The following GHR variants were observed in gnomAD, a reference collection of about 807,000 sequenced individuals.
The protein encoded by GHR is growth hormone receptor, also known as GH receptor.
Under a neutral mutation model 67.1 loss-of-function variants are expected in GHR, and 35 were observed. That is an observed-to-expected ratio of 0.52 (90% CI 0.40 to 0.69). The LOEUF is 0.69. GHR is among the 30% of genes least tolerant of loss of function. The probability of loss-of-function intolerance (pLI) is 0.00; values close to 1 mark genes in which losing one functional copy is unlikely to be tolerated. For missense variants in GHR, 792 were observed against 764.6 expected (o/e 1.04, Z -0.42); for synonymous variants, 272 against 269.1 (o/e 1.01, Z -0.10).
intron 3 of GHR, among the ~76,000 whole-genome samples, chr5:42,656,847 T>C (rs1755281445): frequency 6.6e-6 from 1 of 152,212 alleles, no homozygotes; most frequent in Admixed American, 6.5e-5. Flanking sequence ...TATATCTAGC[T>C]ACTTATTTGC....
intron 3 of GHR, among the ~76,000 whole-genome samples, chr5:42,664,682 G>A (rs1755856005): frequency 1.3e-5 from 2 of 152,256 alleles, no homozygotes; most frequent in Admixed American, 6.5e-5. Flanking sequence ...ACATAGGCAT[G>A]GGCAAGGACT....
chr5:42,580,005 T>C (rs1751072121), intron 2 of GHR, among the ~76,000 whole-genome samples: 1 of 152,072 alleles, frequency 6.6e-6, no homozygotes, highest in Admixed American at 6.5e-5. Context: ...CCCCCAATAT[T>C]AGTGGTAATC....
intron 1 of GHR, among the ~76,000 whole-genome samples, chr5:42,517,324 C>G (rs760282561): frequency 6.6e-6 from 1 of 152,076 alleles, no homozygotes; most frequent in African/African-American, 2.4e-5. Context: ...AACTTTGAAA[C>G]GAAACAAGAG....
At position 42,612,248 on chromosome 5, in the gene GHR, C is replaced by T. The variant is rs957912111; in HGVS notation, c.71-16790C>T. Among the ~76,000 whole-genome samples, 61 of 152,068 alleles carry T rather than the reference C, an allele frequency of 4.0e-4. 1 individual carries two copies. Among genetic ancestry groups the T allele is most frequent in the Non-Finnish European group, 7.8e-4 (53 of 67,998 alleles). On this transcript the variant is annotated intron_variant, in intron 2 of 9. Coordinates refer to ENST00000230882, the MANE Select transcript of GHR (RefSeq NM_000163.5). Reference sequence around the variant, plus strand: ...GTTGAAAATTACTGTTCATGTAATACAGAGTTCTGAACTTCAACCAGAAGC... The same window carrying T: ...GTTGAAAATTACTGTTCATGTAATATAGAGTTCTGAACTTCAACCAGAAGC...
chr5:42,620,131 A>T (rs1753368054), intron 2 of GHR, among the ~76,000 whole-genome samples: 1 of 152,148 alleles, frequency 6.6e-6, no homozygotes, highest in Non-Finnish European at 1.5e-5. Flanking sequence ...TAGTTAAAAT[A>T]TGTTGACTTT....
Position 42,718,437 on chromosome 5 carries a change from T to C in GHR, c.946-16T>C, listed in dbSNP as rs1758834808. 6.3e-7 allele frequency: 1 copy of C among 1,577,378 alleles called. No homozygotes were observed. Among genetic ancestry groups the C allele is most frequent in the South Asian group, 1.1e-5 (1 of 90,262 alleles). On this transcript the variant is annotated splice_polypyrimidine_tract_variant and intron_variant, in intron 9 of 9. Transcript: ENST00000230882. Reference sequence around the variant, plus strand: ...AGTTTCTTTTCATAGATCTTCATTTTCTTTCTATTTTCTAGGAAGGAAAAT... The same window carrying C: ...AGTTTCTTTTCATAGATCTTCATTTCCTTTCTATTTTCTAGGAAGGAAAAT...
At chr5:42,552,169 G>T (rs768443839) in intron 1 of GHR, among the ~76,000 whole-genome samples, 3 of 152,148 alleles carry the variant, frequency 2.0e-5, no homozygotes, top group Non-Finnish European at 4.4e-5. Flanking sequence ...TGGTGGTCCC[G>T]TAGGACAGTA....
At chr5:42,557,454 T>C (rs2112443665) in intron 1 of GHR, among the ~76,000 whole-genome samples, 1 of 152,348 alleles carries the variant, frequency 6.6e-6, no homozygotes, top group South Asian at 2.1e-4. Flanking sequence ...TATTTGTTAC[T>C]ACTACCAAGA....
chr5:42,539,441 T>C (rs182729939), intron 1 of GHR, among the ~76,000 whole-genome samples: 60 of 152,340 alleles, frequency 3.9e-4, no homozygotes, highest in African/African-American at 1.4e-3. Flanking sequence ...TTATCTCTCT[T>C]CTGGGTCTAG....
intron 2 of GHR, among the ~76,000 whole-genome samples, chr5:42,599,617 G>A (rs2112627295): frequency 6.6e-6 from 1 of 151,642 alleles, no homozygotes; most frequent in Non-Finnish European, 1.5e-5. Context: ...CCCGCCTCTT[G>A]GCCTCCCAAA....
At chr5:42,644,359 TA>T (rs1754625974) in intron 3 of GHR, among the ~76,000 whole-genome samples, 1 of 152,106 alleles carries the variant, frequency 6.6e-6, no homozygotes, top group Non-Finnish European at 1.5e-5. Flanking sequence ...GTGTAGGAAA[TA>T]CCAGGGATAG....
chr5:42,708,716 T>C (rs1249459491), intron 6 of GHR, among the ~76,000 whole-genome samples: 3 of 152,156 alleles, frequency 2.0e-5, no homozygotes, highest in Non-Finnish European at 4.4e-5. Flanking sequence ...AGCCATGGCA[T>C]ATAGTTACGT....
chr5:42,453,279 C>G (rs563766923), intron 1 of GHR, among the ~76,000 whole-genome samples: 13 of 152,076 alleles, frequency 8.5e-5, no homozygotes, highest in African/African-American at 2.9e-4. Flanking sequence ...GATCCCTTGA[C>G]GCTTATGTCC....
At chr5:42,527,599 C>T (rs1194727403) in intron 1 of GHR, among the ~76,000 whole-genome samples, 3 of 152,144 alleles carry the variant, frequency 2.0e-5, no homozygotes, top group African/African-American at 7.2e-5. Flanking sequence ...TAGACTCCCT[C>T]ACAATATTAG....
intron 1 of GHR, among the ~76,000 whole-genome samples, chr5:42,543,275 C>T (rs1430161802): frequency 1.3e-5 from 2 of 152,104 alleles, no homozygotes; most frequent in African/African-American, 4.8e-5. Flanking sequence ...AATCCTTTTT[C>T]ACTACCTCTA....
At chr5:42,543,429 T>C (rs1407079951) in intron 1 of GHR, among the ~76,000 whole-genome samples, 3 of 152,182 alleles carry the variant, frequency 2.0e-5, no homozygotes, top group African/African-American at 7.2e-5. Flanking sequence ...AGTCTTTTGG[T>C]GGTAAAGTAT....
At chr5:42,669,771 A>G (rs1756178143) in intron 3 of GHR, among the ~76,000 whole-genome samples, 1 of 152,220 alleles carries the variant, frequency 6.6e-6, no homozygotes, top group Non-Finnish European at 1.5e-5. Context: ...AAACAATCCT[A>G]TTTTTAAAAG....
At chr5:42,559,657 A>C (rs1749496624) in intron 1 of GHR, among the ~76,000 whole-genome samples, 1 of 152,226 alleles carries the variant, frequency 6.6e-6, no homozygotes, top group Non-Finnish European at 1.5e-5. Context: ...TACACATTTA[A>C]AATTCCCATC....
intron 3 of GHR, among the ~76,000 whole-genome samples, chr5:42,650,578 CAT>C (rs35408817): frequency 0.013 from 1,660 of 129,038 alleles, 57 homozygotes; most frequent in African/African-American, 0.043. Context: ...TTACAGATAA[CAT>C]ATATATATAT....
Sources: gnomAD v4.1 joint callset for allele counts (sites outside exome capture counted in the v4.1 genomes callset) on GRCh38, gnomAD v4.1.1 for gene constraint, MANE v1.5 for transcripts, NCBI Gene and HGNC (gene_info 2026-07-23, HGNC 2026-07-21) for gene names.